SLC17A5: variants seen among roughly 807,000 people sequenced by gnomAD.
SLC17A5 encodes solute carrier family 17 member 5, also known as sialin.
A neutral mutation model predicts 59.4 loss-of-function variants in SLC17A5; 47 were observed. The ratio of observed to expected loss-of-function variants is 0.79; its 90% CI spans 0.63 to 1.01. SLC17A5 has a LOEUF of 1.01. Ranked by LOEUF, SLC17A5 falls within the 50% of genes least tolerant of loss-of-function variation. The pLI is 0.00. For synonymous variants in SLC17A5, 202 were observed against 210.7 expected (o/e 0.96, Z 0.36); for missense variants, 522 against 595.5 (o/e 0.88, Z 1.28).
chr6:73,623,358 T>TG (rs1244155820), intron 6 of SLC17A5, among the ~76,000 whole-genome samples: 1 of 138,294 alleles, frequency 7.2e-6, no homozygotes, highest in African/African-American at 2.7e-5. Context: ...TTTTTTGAGA[T>TG]GGAGTCTTGC....
At chr6:73,631,227 T>C (rs1300040924) in intron 6 of SLC17A5, among the ~76,000 whole-genome samples, 2 of 150,376 alleles carry the variant, frequency 1.3e-5, no homozygotes, top group African/African-American at 5.0e-5. Flanking sequence ...CCCCACTGCA[T>C]GACAGTCCGG....
intron 1 of SLC17A5, among the ~76,000 whole-genome samples, chr6:73,647,972 G>A (rs1769662352): frequency 6.6e-6 from 1 of 152,136 alleles, no homozygotes; most frequent in South Asian, 2.1e-4. Flanking sequence ...GGGAGGTTGA[G>A]GCAGGAGACT....
At chr6:73,628,726 C>T (rs1768551755) in intron 6 of SLC17A5, among the ~76,000 whole-genome samples, 1 of 152,138 alleles carries the variant, frequency 6.6e-6, no homozygotes, top group South Asian at 2.1e-4. Flanking sequence ...GATCCTGAAT[C>T]TTGTATTCAG....
intron 10 of SLC17A5, among the ~76,000 whole-genome samples, chr6:73,597,482 CAAAACAAAAA>C (rs929992402): frequency 4.0e-5 from 6 of 148,412 alleles, no homozygotes; most frequent in Middle Eastern, 3.6e-3. Context: ...CAAAACAAAA[CAAAACAAAAA>C]AAACCAAGCA....
chr6:73,638,590 T>C (rs1769135866), intron 3 of SLC17A5, 91 bp from the exon 4 acceptor site: 2 of 1,017,988 alleles, frequency 2.0e-6, no homozygotes, highest in South Asian at 2.7e-5. Context: ...ACAAAAGCAT[T>C]TTCTGGATAA....
At chr6:73,601,825 G>A (rs1344043962) in intron 9 of SLC17A5, among the ~76,000 whole-genome samples, 11 of 148,242 alleles carry the variant, frequency 7.4e-5, no homozygotes, top group Non-Finnish European at 3.0e-5. Context: ...GGGGGGGTCA[G>A]CCCCCTGCCC....
rs771156053 is a variant in SLC17A5 at position 73,621,876 on chromosome 6, GT to G, written c.905del (p.Asn302ThrfsTer8). The G allele has an allele frequency of 3.1e-6, 5 of 1,613,484 alleles. No homozygotes were observed. In the African/African-American group the frequency reaches 6.7e-5, roughly 22 times the overall value. On this transcript the variant is annotated frameshift_variant, in exon 7 of 11. Transcript: ENST00000355773. LOFTEE classifies it high-confidence loss of function. Reference sequence around the variant, plus strand: ...ATGTCAATAAAGTATAAAAAGTCCAGTTGTAAGAAAAGTGTGCAACTACGAT... The same window carrying G: ...ATGTCAATAAAGTATAAAAAGTCCAGTGTAAGAAAAGTGTGCAACTACGAT... ...WAIVVAHFSYNWTFYTLLTLL... is the reference protein window; with the variant it reads ...WAIVVAHFSYXWTFYTLLTLL...
Position 73,641,835 on chromosome 6 carries a change from T to A in SLC17A5, c.381A>T (p.Gly127=). 1 of 1,614,048 alleles carries A rather than the reference T, an allele frequency of 6.2e-7. No homozygotes were observed. Among genetic ancestry groups the A allele is most frequent in the African/African-American group, 1.3e-5 (1 of 74,988 alleles). ...TCCCCCCTATTTTGCTGGCAACATATCCTCCAGGAATCTGTGTGATGATGT... is the reference window on the plus strand; with the variant it reads ...TCCCCCCTATTTTGCTGGCAACATAACCTCCAGGAATCTGTGTGATGATGT... The part of the protein sequence containing the change: ...YGYIITQIPG[G]YVASKIGGKM... The change falls in exon 3 of 11, where the codon GGA becomes GGT. Residue 127 remains glycine (G), a synonymous_variant. Coordinates refer to ENST00000355773, the MANE Select transcript of SLC17A5 (RefSeq NM_012434.5).
In SLC17A5 at chr6:73,618,535, C is replaced by T. The variant is rs952742458; in HGVS notation, c.979-3088G>A. 7.7e-6 allele frequency: 4 copies of T among 522,866 alleles called. No individual in the cohort carries two copies. In the African/African-American group the frequency reaches 7.8e-5, roughly 10 times the overall value. 32.4% of individuals were successfully genotyped at this position (522,866 alleles called of 1,614,324 possible). A position where few individuals can be genotyped will look rare whatever the true frequency, so the allele number is the denominator to read the frequency against. ...TGTTGGGTGCTCTACTGTCCTCTGC[C>T]AGCCTACAGGAGGAAAAGCAAGGCT... On this transcript the variant is annotated intron_variant, in intron 7 of 10. Coordinates refer to ENST00000355773, the MANE Select transcript of SLC17A5 (RefSeq NM_012434.5).
chr6:73,642,084 T>C (rs1769312506), intron 2 of SLC17A5, among the ~76,000 whole-genome samples, 160 bp from the exon 3 acceptor site: 1 of 152,192 alleles, frequency 6.6e-6, no homozygotes, highest in South Asian at 2.1e-4. Context: ...CATAACAATA[T>C]AGATATACAG....
chr6:73,647,155 A>G (rs758081902), intron 1 of SLC17A5, among the ~76,000 whole-genome samples: 3 of 152,238 alleles, frequency 2.0e-5, no homozygotes, highest in Non-Finnish European at 4.4e-5. Context: ...TAAAAAGATC[A>G]TTACCTATTT....
chr6:73,651,668 G>A (rs1300896977), intron 1 of SLC17A5, among the ~76,000 whole-genome samples: 2 of 151,044 alleles, frequency 1.3e-5, no homozygotes, highest in East Asian at 2.0e-4. Flanking sequence ...TCAGCCTCCC[G>A]AATAGCTGGG....
rs544469763 is a variant in SLC17A5 at position 73,594,755 on chromosome 6, A to C, written c.*322T>G. On this transcript the variant is annotated 3_prime_UTR_variant, in exon 11 of 11. Transcript: ENST00000355773. Reference sequence around the variant, plus strand: ...ATTATCATCTAGTTTAATTAAGCAAAGGTATCAGGAGGTCTGTTTCAGCTC... The same window carrying C: ...ATTATCATCTAGTTTAATTAAGCAACGGTATCAGGAGGTCTGTTTCAGCTC... The C allele has an allele frequency of 6.9e-5, 23 of 332,560 alleles. 1 individual carries two copies. The highest frequency in any genetic ancestry group is 6.5e-4 in the South Asian group (21 of 32,384). The allele number at this position is 332,560 out of a possible 1,614,324, so 20.6% of individuals were successfully genotyped here. A position where few individuals can be genotyped will look rare whatever the true frequency, so the allele number is the denominator to read the frequency against.
chr6:73,605,992 A>C (rs552985540), intron 9 of SLC17A5, among the ~76,000 whole-genome samples: 63 of 152,116 alleles, frequency 4.1e-4, no homozygotes, highest in African/African-American at 1.4e-3. Context: ...ACAAAACAAA[A>C]CAAAAAACAA....
chr6:73,595,871 C>T (rs1182041091), intron 10 of SLC17A5, among the ~76,000 whole-genome samples: 1 of 150,864 alleles, frequency 6.6e-6, no homozygotes, highest in African/African-American at 2.4e-5. Flanking sequence ...TGCTACCATG[C>T]CTGGCTAATT....
Position 73,595,062 on chromosome 6 carries a change from T to C in SLC17A5, c.*15A>G. The C allele has an allele frequency of 6.2e-7, 1 of 1,613,956 alleles. No individual in the cohort carries two copies. Among genetic ancestry groups the C allele is most frequent in the Non-Finnish European group, 8.5e-7 (1 of 1,179,858 alleles). ...AAAAATACATTAATAGAGGCAGGAT[T>C]ATTTATTGGTTCCTTCAGTGTCTGT... On this transcript the variant is annotated 3_prime_UTR_variant, in exon 11 of 11. Coordinates refer to ENST00000355773, the MANE Select transcript of SLC17A5 (RefSeq NM_012434.5).
chr6:73,639,843 C>T (rs542038649), intron 3 of SLC17A5, among the ~76,000 whole-genome samples: 7 of 152,050 alleles, frequency 4.6e-5, no homozygotes, highest in African/African-American at 9.7e-5. Flanking sequence ...GCCAGAAGTT[C>T]GAGACCAGCC....
intron 10 of SLC17A5, 75 bp from the exon 11 acceptor site, chr6:73,595,289 C>A (rs991440439): frequency 2.6e-6 from 4 of 1,532,920 alleles, no homozygotes; most frequent in African/African-American, 1.4e-5. Context: ...GATAGTGTCA[C>A]AAGAGTGTTA....
chr6:73,622,045 G>C (rs917525065), intron 6 of SLC17A5, 83 bp from the exon 7 acceptor site: 3 of 1,353,120 alleles, frequency 2.2e-6, no homozygotes, highest in Non-Finnish European at 3.2e-6. Context: ...ACTCTATCCA[G>C]AATTCATACA....
Sources: allele counts gnomAD v4.1 joint callset (sites outside exome capture counted in the v4.1 genomes callset), GRCh38; gene constraint gnomAD v4.1.1; transcripts MANE v1.5; gene names NCBI Gene and HGNC (gene_info 2026-07-23, HGNC 2026-07-21).